The following PCDHA6 variants were observed in gnomAD, a reference collection of about 807,000 sequenced individuals.
The protein encoded by PCDHA6 is protocadherin alpha-6.
A neutral mutation model predicts 60.3 loss-of-function variants in PCDHA6; 55 were observed. The ratio of observed to expected loss-of-function variants is 0.91; its 90% CI spans 0.73 to 1.14. The LOEUF is 1.14. Among genes scored for constraint, PCDHA6 ranks in the 50% most tolerant of loss-of-function variants. The pLI, the probability that PCDHA6 is intolerant of heterozygous loss-of-function variation, is 0.00. For missense variants in PCDHA6, 1,327 were observed against 1,256.5 expected (o/e 1.06, Z -0.85); for synonymous variants, 652 against 557.9 (o/e 1.17, Z -2.38).
chr5:140,891,009 A>AT (rs35053611), intron 1 of PCDHA6, among the ~76,000 whole-genome samples: 3 of 152,052 alleles, frequency 2.0e-5, no homozygotes, highest in East Asian at 3.9e-4. Context: ...ATTGAAAAGC[A>AT]TTTTTTCTGA....
intron 1 of PCDHA6, among the ~76,000 whole-genome samples, chr5:140,903,607 A>G (rs938837767): frequency 6.6e-6 from 1 of 152,254 alleles, no homozygotes; most frequent in Non-Finnish European, 1.5e-5. Context: ...TGCTTAATAC[A>G]CATGAATGTG....
In PCDHA6 at chr5:140,828,197, C is replaced by A; in HGVS notation, c.106C>A (p.Pro36Thr). ...GAGCGGCCAGCTCCACTACTCCGTACCCGAGGAGGCCAAACACGGCACCTT... is the reference window on the plus strand; with the variant it reads ...GAGCGGCCAGCTCCACTACTCCGTAACCGAGGAGGCCAAACACGGCACCTT... ...VGSGQLHYSVPEEAKHGTFVG... is the reference protein window; with the variant it reads ...VGSGQLHYSVTEEAKHGTFVG... The change falls in exon 1 of 4, where the codon CCC (proline) becomes ACC (threonine). Residue 36 changes from proline to threonine, a missense_variant. Coordinates refer to ENST00000529310, the MANE Select transcript of PCDHA6 (RefSeq NM_018909.4). 1 of 1,614,076 alleles carries A rather than the reference C, an allele frequency of 6.2e-7. No individual in the cohort carries two copies. Among genetic ancestry groups the A allele is most frequent in the Non-Finnish European group, 8.5e-7 (1 of 1,180,056 alleles).
At chr5:140,834,702 G>C in intron 1 of PCDHA6, 1 of 1,614,258 alleles carries the variant, frequency 6.2e-7, no homozygotes. Context: ...CATCCACCTG[G>C]AGGTGATCGT....
At chr5:140,838,415 C>T (rs950312767) in intron 1 of PCDHA6, among the ~76,000 whole-genome samples, 1 of 151,548 alleles carries the variant, frequency 6.6e-6, no homozygotes, top group African/African-American at 2.4e-5. Flanking sequence ...TGAGCCACCG[C>T]ATCCGGCCTA....
At chr5:140,995,543 G>T (rs1243799532) in intron 3 of PCDHA6, among the ~76,000 whole-genome samples, 1 of 152,144 alleles carries the variant, frequency 6.6e-6, no homozygotes, top group African/African-American at 2.4e-5. Flanking sequence ...AATAAGGGGC[G>T]ATCACTGTAC....
At chr5:140,941,214 C>CTTTCTTTCTTTCTTTCTTT (rs1554214039) in intron 1 of PCDHA6, among the ~76,000 whole-genome samples, 2,124 of 122,372 alleles carry the variant, frequency 0.017, 57 homozygotes, top group East Asian at 0.032. Flanking sequence ...TTTCTTTCTT[C>CTTTCTTTCTTTCTTTCTTT]CTTTCTTTCT....
chr5:140,841,541 C>T, intron 1 of PCDHA6: 3 of 1,613,720 alleles, frequency 1.9e-6, no homozygotes, highest in Non-Finnish European at 2.5e-6. Context: ...ACACCGGGAC[C>T]TTCTGGAGGT....
chr5:141,002,374 C>T (rs1228476890), intron 3 of PCDHA6, among the ~76,000 whole-genome samples: 1 of 152,220 alleles, frequency 6.6e-6, no homozygotes, highest in Non-Finnish European at 1.5e-5. Context: ...CTCATTCTGG[C>T]TTAGGGCTCC....
At chr5:140,931,935 G>A (rs1456832226) in intron 1 of PCDHA6, among the ~76,000 whole-genome samples, 2 of 151,826 alleles carry the variant, frequency 1.3e-5, no homozygotes, top group East Asian at 1.9e-4. Context: ...ATTATAATGT[G>A]TGTCTGAGTC....
At chr5:140,857,543 G>A (rs782244721) in intron 1 of PCDHA6, 2 of 1,597,220 alleles carry the variant, frequency 1.3e-6, no homozygotes, top group Admixed American at 3.4e-5. Context: ...GCGGCGGTTG[G>A]GCGAGCGCTC....
chr5:140,888,288 C>G (rs1328691042), intron 1 of PCDHA6, among the ~76,000 whole-genome samples: 1 of 152,108 alleles, frequency 6.6e-6, no homozygotes, highest in African/African-American at 2.4e-5. Context: ...CCCTCTACCC[C>G]CTACCCAGGA....
intron 1 of PCDHA6, chr5:140,883,440 C>T (rs781949896): frequency 1.9e-6 from 3 of 1,614,152 alleles, no homozygotes; most frequent in Non-Finnish European, 2.5e-6. Flanking sequence ...ACCTTGACGC[C>T]GCATGTCCCC....
chr5:140,882,662 A>G (rs1554175058), intron 1 of PCDHA6: 7 of 1,614,224 alleles, frequency 4.3e-6, no homozygotes, highest in Non-Finnish European at 5.9e-6. Context: ...CAACCCGCCC[A>G]TATTCCCTGA....
chr5:140,883,453 C>T (rs138388360), intron 1 of PCDHA6: 46 of 1,614,168 alleles, frequency 2.8e-5, no homozygotes, highest in Non-Finnish European at 3.9e-5. Context: ...ATGTCCCCTT[C>T]AAGCTGGTGT....
chr5:140,937,644 G>A (rs1554211697), intron 1 of PCDHA6, among the ~76,000 whole-genome samples: 1 of 151,048 alleles, frequency 6.6e-6, no homozygotes, highest in African/African-American at 2.4e-5. Flanking sequence ...AGGGCATGGT[G>A]GCTCACGCCT....
At chr5:140,967,464 G>T (rs781900904) in intron 1 of PCDHA6, 1 of 1,613,504 alleles carries the variant, frequency 6.2e-7, no homozygotes, top group Non-Finnish European at 8.5e-7. Context: ...GTGGATGGGG[G>T]CATCCCAGCC....
intron 1 of PCDHA6, among the ~76,000 whole-genome samples, chr5:140,956,132 C>G (rs782171826): frequency 2.6e-5 from 4 of 152,028 alleles, no homozygotes; most frequent in Admixed American, 6.6e-5. Context: ...ATTTGAATAC[C>G]CTTTATTTCT....
rs2150154136 is a variant in PCDHA6 at position 140,828,328 on chromosome 5, G to C, written c.237G>C (p.Leu79=). 1.2e-6 allele frequency: 2 copies of C among 1,614,228 alleles called. No individual in the cohort carries two copies. The highest frequency in any genetic ancestry group is 3.3e-5 in the Admixed American group (2 of 60,034). Residue 79 remains leucine (L), a synonymous_variant, in exon 1 of 4, where the codon CTG becomes CTC. Transcript: ENST00000529310. ...GCGAGGACCTTCTGGAGGTAAATCT[G>C]CAGAATGGCATTTTGTTTGTGAATT... The part of the protein sequence containing the change: ...KDREDLLEVN[L]QNGILFVNSR...
chr5:140,844,185 T>G (rs1554140558), intron 1 of PCDHA6, among the ~76,000 whole-genome samples: 2 of 149,886 alleles, frequency 1.3e-5, no homozygotes, highest in Non-Finnish European at 3.0e-5. Flanking sequence ...TTTATTCATC[T>G]TATCTGACTT....
Sources: gnomAD v4.1 joint callset for allele counts (sites outside exome capture counted in the v4.1 genomes callset) on GRCh38, gnomAD v4.1.1 for gene constraint, MANE v1.5 for transcripts, NCBI Gene and HGNC (gene_info 2026-07-23, HGNC 2026-07-21) for gene names.